The following FAM83A variants were observed in gnomAD, a reference collection of about 807,000 sequenced individuals.
FAM83A encodes the protein protein FAM83A.
FAM83A carries 21 observed loss-of-function variants against 24.4 expected under a neutral mutation model. The observed-to-expected ratio is 0.86, with a 90% CI of 0.61 to 1.24. The LOEUF (loss-of-function observed/expected upper bound fraction) is 1.24. Ranked by LOEUF, FAM83A falls within the 50% of genes most tolerant of loss-of-function variation. FAM83A has a pLI of 0.00. For synonymous variants in FAM83A, 270 were observed against 252.4 expected, an observed-to-expected ratio of 1.07 and a Z score of -0.66; for missense variants, 617 against 579.8, an observed-to-expected ratio of 1.06 and a Z score of -0.66.
At chr8:123,207,369 G>C (rs1298563763) in exon 4 of FAM83A, 4 of 1,611,272 alleles carry the variant, frequency 2.5e-6, no homozygotes, top group African/African-American at 1.3e-5. Context: ...GCCAGTGACC[G>C]CACGTCCTCC....
upstream of FAM83A, among the ~76,000 whole-genome samples, chr8:123,181,107 C>T (rs1428209736): frequency 6.6e-6 from 1 of 152,002 alleles, no homozygotes; most frequent in South Asian, 2.1e-4. Flanking sequence ...CCACCAGGCC[C>T]GGCTAATTTT....
At chr8:123,182,927 C>T in exon 1 of FAM83A, 1 of 1,555,010 alleles carries the variant, frequency 6.4e-7, no homozygotes, top group Non-Finnish European at 8.7e-7. Flanking sequence ...TGGGTCCGGC[C>T]AGCCAGGGCT....
At chr8:123,189,468 C>T (rs1009447850) in intron 1 of FAM83A, among the ~76,000 whole-genome samples, 1 of 152,100 alleles carries the variant, frequency 6.6e-6, no homozygotes, top group African/African-American at 2.4e-5. Flanking sequence ...AGGGAATGGC[C>T]GTATTCCCTG....
chr8:123,191,997 G>T (rs188113331), intron 2 of FAM83A, 27 bp downstream of exon 2: 2 of 1,611,984 alleles, frequency 1.2e-6, no homozygotes, highest in Non-Finnish European at 8.5e-7. Context: ...GAGTCCTAAG[G>T]GTACTCATAT....
rs1416084694 is a variant in FAM83A, at chr8:123,209,439, A to G, written c.*1751A>G. 1.2e-6 allele frequency: 2 copies of G among 1,613,926 alleles called. No homozygotes were observed. Among genetic ancestry groups the G allele is most frequent in the African/African-American group, 2.7e-5 (2 of 75,028 alleles). On this transcript the variant is annotated 3_prime_UTR_variant, in exon 4 of 4. Transcript: ENST00000690554. The surrounding 1 kb of genome is among the most constrained non-coding windows in gnomAD (Gnocchi z 4.7). ...TTTCCTCCTTAGTTCCTGAAAGTAAACAAAACAAAACAAAAACAAAAAAAC... is the reference window on the plus strand; with the variant it reads ...TTTCCTCCTTAGTTCCTGAAAGTAAGCAAAACAAAACAAAAACAAAAAAAC...
At chr8:123,183,982 C>A (rs1823711078) in intron 1 of FAM83A, among the ~76,000 whole-genome samples, 1 of 152,104 alleles carries the variant, frequency 6.6e-6, no homozygotes, top group Non-Finnish European at 1.5e-5. Context: ...AGGTGTGAGC[C>A]CCAGTGCCCT....
exon 4 of FAM83A, chr8:123,207,460 G>A (rs748979213): frequency 1.3e-6 from 2 of 1,592,424 alleles, no homozygotes; most frequent in Non-Finnish European, 1.7e-6. Flanking sequence ...GTAGCCCCGC[G>A]GCCCCACACC....
intron 1 of FAM83A, among the ~76,000 whole-genome samples, chr8:123,188,798 C>G (rs1333175991): frequency 6.6e-6 from 1 of 152,176 alleles, no homozygotes; most frequent in African/African-American, 2.4e-5. Context: ...CCCACTATAC[C>G]TTCTTAGGAA....
At chr8:123,196,035 G>A (rs915214863) in intron 3 of FAM83A, among the ~76,000 whole-genome samples, 47 of 152,152 alleles carry the variant, frequency 3.1e-4, no homozygotes, top group African/African-American at 9.9e-4. Context: ...TTTTTGAGAC[G>A]GAGTCTCGCT....
At chr8:123,193,301 G>A (rs1431101438) in intron 2 of FAM83A, among the ~76,000 whole-genome samples, 1 of 152,230 alleles carries the variant, frequency 6.6e-6, no homozygotes, top group Non-Finnish European at 1.5e-5. Context: ...CAGGGACTCA[G>A]GTCAAGCCAC....
upstream of FAM83A, chr8:123,182,568 T>A: frequency 1.6e-6 from 1 of 620,770 alleles, no homozygotes; most frequent in Non-Finnish European, 3.0e-6. Flanking sequence ...AAATATCCCA[T>A]GGCTGACTGT....
chr8:123,190,758 C>T (rs576319998), intron 1 of FAM83A, among the ~76,000 whole-genome samples: 1 of 152,220 alleles, frequency 6.6e-6, no homozygotes, highest in South Asian at 2.1e-4. Context: ...AACCAGGTGT[C>T]CAAATGACAA....
intron 3 of FAM83A, among the ~76,000 whole-genome samples, chr8:123,197,111 G>A (rs894246381): frequency 6.6e-6 from 1 of 152,174 alleles, no homozygotes; most frequent in Admixed American, 6.5e-5. Context: ...CTGTGGCTGG[G>A]GCAGGGGTGG....
chr8:123,193,132 C>T (rs1270014495), intron 2 of FAM83A, among the ~76,000 whole-genome samples: 3 of 152,344 alleles, frequency 2.0e-5, no homozygotes, highest in South Asian at 2.1e-4. Flanking sequence ...TCCAGCTGTA[C>T]GGCGGGAGCA....
At chr8:123,193,760 G>T (rs986832896) in intron 2 of FAM83A, among the ~76,000 whole-genome samples, 2 of 152,172 alleles carry the variant, frequency 1.3e-5, no homozygotes, top group Non-Finnish European at 2.9e-5. Flanking sequence ...CTTATAAATG[G>T]CTGTCTTCTT....
In FAM83A at chr8:123,191,974, G is replaced by C. The variant is rs775708098; in HGVS notation, c.648+4G>C. On this transcript the variant is annotated splice_donor_region_variant and intron_variant, in intron 2 of 3. Transcript: ENST00000690554. The stretch of plus-strand genomic sequence containing the variant: ...GATCTCTGACAGTCACCTCAAGGTA[G>C]GGGCCCCAATGAGAGTCCTAAGGGT... 3.1e-6 allele frequency: 5 copies of C among 1,613,982 alleles called. No homozygotes were observed. In the South Asian group the frequency reaches 5.5e-5, roughly 18 times the overall value.
upstream of FAM83A, among the ~76,000 whole-genome samples, chr8:123,181,007 G>A (rs532098975): frequency 3.8e-4 from 58 of 152,156 alleles, no homozygotes; most frequent in African/African-American, 1.4e-3. Flanking sequence ...GCAATGGTGC[G>A]ATCTTGGCTC....
chr8:123,191,775 G>A, intron 1 of FAM83A, 28 bp from the exon 2 acceptor site: 1 of 1,610,480 alleles, frequency 6.2e-7, no homozygotes, highest in Non-Finnish European at 8.5e-7. Flanking sequence ...TGACCTTTCT[G>A]GTAACTGAGC....
chr8:123,199,366 T>C (rs1199294005), intron 3 of FAM83A, among the ~76,000 whole-genome samples: 1 of 152,250 alleles, frequency 6.6e-6, no homozygotes, highest in Admixed American at 6.5e-5. Context: ...CCAGCATTTT[T>C]ATGCTTAACT....
Sources: gnomAD v4.1 joint callset for allele counts (sites outside exome capture counted in the v4.1 genomes callset) on GRCh38, gnomAD v4.1.1 for gene constraint, Gnocchi (gnomAD v3.1) non-coding constraint, MANE v1.5 for transcripts, NCBI Gene and HGNC (gene_info 2026-07-23, HGNC 2026-07-21) for gene names.